MTMR12: variants seen among roughly 807,000 people sequenced by gnomAD.
MTMR12 encodes the protein myotubularin related protein 12.
A neutral mutation model predicts 96.7 loss-of-function variants in MTMR12; 33 were observed. The observed-to-expected ratio is 0.34, with a 90% confidence interval of 0.26 to 0.46. The LOEUF (loss-of-function observed/expected upper bound fraction) is 0.46, where lower values mean the gene tolerates loss of function less well. Among genes scored for constraint, MTMR12 ranks in the 20% least tolerant of loss-of-function variants. The probability of loss-of-function intolerance (pLI) is 1.00; values close to 1 mark genes in which losing one functional copy is unlikely to be tolerated. For missense variants in MTMR12, 721 were observed against 896.1 expected (o/e 0.80, Z 2.49); for synonymous variants, 298 against 327.2 (o/e 0.91, Z 0.96).
chr5:32,294,733 A>G lies in MTMR12; in HGVS notation c.82-17991T>C, dbSNP rs577541371. On this transcript the variant is annotated intron_variant, in intron 1 of 15. Transcript: ENST00000382142. ...CTCAACTTCTAGCATATAATTCCTG[A>G]CAAGACAGTAAATTGTCAGTAAGTC... Among the ~76,000 whole-genome samples the G allele has an allele frequency of 5.3e-5, 8 of 152,322 alleles. No individual in the cohort carries two copies. The East Asian group carries it at 1.4e-3, about 26-fold the overall frequency.
In MTMR12 at chr5:32,312,489, C is replaced by G. The variant is rs887196129; in HGVS notation, c.81+269G>C. Among the ~76,000 whole-genome samples the G allele has an allele frequency of 1.3e-5, 2 of 152,214 alleles. No homozygotes were observed. Among genetic ancestry groups the G allele is most frequent in the Non-Finnish European group, 2.9e-5 (2 of 68,026 alleles). Reference sequence around the variant, plus strand: ...CAGAATCCCCAGGGGCGTTCCGGGCCGCAATCCCTTCTCGGCTCGGGCCCC... The same window carrying G: ...CAGAATCCCCAGGGGCGTTCCGGGCGGCAATCCCTTCTCGGCTCGGGCCCC... On this transcript the variant is annotated intron_variant, in intron 1 of 15. Coordinates refer to ENST00000382142, the MANE Select transcript of MTMR12 (RefSeq NM_001040446.3). The surrounding 1 kb of genome is among the most constrained non-coding windows in gnomAD (Gnocchi z 5.0).
intron 10 of MTMR12, 78 bp from the exon 11 acceptor site, chr5:32,243,677 A>G: frequency 1.1e-6 from 1 of 872,524 alleles, no homozygotes; most frequent in South Asian, 1.5e-5. Context: ...GTGCTCCTCA[A>G]CTGTGTCATT....
intron 2 of MTMR12, 62 bp from the exon 3 acceptor site, chr5:32,274,184 T>A: frequency 6.4e-7 from 1 of 1,564,336 alleles, no homozygotes. Flanking sequence ...ATGCAAACAC[T>A]AAAGGCTTTC....
intron 1 of MTMR12, among the ~76,000 whole-genome samples, chr5:32,302,532 C>T (rs1488259801): frequency 6.6e-6 from 1 of 152,104 alleles, no homozygotes; most frequent in East Asian, 1.9e-4. Context: ...GCCTGACCAA[C>T]ATGGTGAAAC....
intron 1 of MTMR12, among the ~76,000 whole-genome samples, chr5:32,295,059 C>A (rs766498699): frequency 6.6e-5 from 10 of 152,190 alleles, no homozygotes; most frequent in Non-Finnish European, 1.5e-4. Context: ...ATCTACTATC[C>A]AGCTGTAGGA....
At chr5:32,247,251 G>C (rs571628084) in intron 10 of MTMR12, among the ~76,000 whole-genome samples, 5 of 152,288 alleles carry the variant, frequency 3.3e-5, no homozygotes, top group African/African-American at 9.6e-5. Context: ...TTGGGAGGCA[G>C]AGGTGGGAGG....
In MTMR12 at chr5:32,233,112, G is replaced by A. The variant is rs1748063665; in HGVS notation, c.1674+661C>T. The A allele has an allele frequency of 2.6e-6, 2 of 759,986 alleles. No individual in the cohort carries two copies. The highest frequency in any genetic ancestry group is 3.2e-6 in the Non-Finnish European group (2 of 624,408). The allele number at this position is 759,986 out of a possible 1,614,324, so 47.1% of individuals were successfully genotyped here. A position where few individuals can be genotyped will look rare whatever the true frequency, so the allele number is the denominator to read the frequency against. Reference sequence around the variant, plus strand: ...CTGACATTTGTGGCTCATAGCATAGGTCAGCAAACTGGCCACCCCTCCGGC... The same window carrying A: ...CTGACATTTGTGGCTCATAGCATAGATCAGCAAACTGGCCACCCCTCCGGC... On this transcript the variant is annotated intron_variant, in intron 15 of 15. Transcript: ENST00000382142. This position sits in a 1 kb window ranked among gnomAD's most constrained non-coding sequence, Gnocchi z 5.0.
At chr5:32,250,500 C>A (rs1748873123) in intron 8 of MTMR12, among the ~76,000 whole-genome samples, 1 of 152,188 alleles carries the variant, frequency 6.6e-6, no homozygotes, top group Non-Finnish European at 1.5e-5. Flanking sequence ...CAATGCCATG[C>A]TAAGCGATGT....
At chr5:32,238,894 G>A (rs1054799529) in intron 13 of MTMR12, 107 bp downstream of exon 13, 2 of 1,251,722 alleles carry the variant, frequency 1.6e-6, no homozygotes, top group African/African-American at 3.0e-5. Flanking sequence ...AACCTGTTTG[G>A]CTTACACTTT....
At chr5:32,291,913 A>C (rs1025548804) in intron 1 of MTMR12, among the ~76,000 whole-genome samples, 3 of 151,782 alleles carry the variant, frequency 2.0e-5, no homozygotes, top group Non-Finnish European at 4.4e-5. Flanking sequence ...TGCAATACAC[A>C]CTCTGGATAT....
chr5:32,232,523 G>A (rs1401067506), intron 15 of MTMR12, among the ~76,000 whole-genome samples: 1 of 152,182 alleles, frequency 6.6e-6, no homozygotes, highest in East Asian at 1.9e-4. Context: ...GGTTCCTCCC[G>A]TAACACAACA....
chr5:32,281,958 A>C (rs545124407), intron 1 of MTMR12, among the ~76,000 whole-genome samples: 1 of 152,226 alleles, frequency 6.6e-6, no homozygotes, highest in African/African-American at 2.4e-5. Context: ...ATGCACACAC[A>C]AAAAAGCTTT....
intron 5 of MTMR12, among the ~76,000 whole-genome samples, chr5:32,270,495 G>A (rs1259385055): frequency 1.3e-5 from 2 of 152,176 alleles, no homozygotes; most frequent in East Asian, 1.9e-4. Context: ...GGAGAATAGG[G>A]ATAAACTTTT....
In MTMR12 at chr5:32,300,244, G is replaced by C. The variant is rs115005018; in HGVS notation, c.81+12514C>G. Among the ~76,000 whole-genome samples, 259 of 152,244 alleles carry C rather than the reference G, an allele frequency of 1.7e-3. 1 individual carries two copies. Among genetic ancestry groups the C allele is most frequent in the African/African-American group, 6.0e-3 (248 of 41,536 alleles). On this transcript the variant is annotated intron_variant, in intron 1 of 15. Coordinates refer to ENST00000382142, the MANE Select transcript of MTMR12 (RefSeq NM_001040446.3). The stretch of plus-strand genomic sequence containing the variant: ...AGCACCTAGCAGTTGTTGAGTATCT[G>C]CCATGTGTCAAGTCCTTAGCTGGGT...
chr5:32,302,534 T>C (rs1233711229), intron 1 of MTMR12, among the ~76,000 whole-genome samples: 3 of 152,140 alleles, frequency 2.0e-5, no homozygotes, highest in East Asian at 1.9e-4. Flanking sequence ...CTGACCAACA[T>C]GGTGAAACCC....
chr5:32,254,012 C>A (rs1036302769), intron 8 of MTMR12, among the ~76,000 whole-genome samples: 1 of 152,246 alleles, frequency 6.6e-6, no homozygotes, highest in African/African-American at 2.4e-5. Flanking sequence ...CAAGGCCTGG[C>A]TAGAATGCAG....
intron 7 of MTMR12, among the ~76,000 whole-genome samples, chr5:32,258,903 A>C (rs1245494498): frequency 1.5e-4 from 7 of 45,952 alleles, no homozygotes; most frequent in Non-Finnish European, 2.5e-4. Context: ...GGTCTTTCAC[A>C]AAAAAAAAAA....
chr5:32,241,839 T>G (rs892031914), intron 12 of MTMR12, among the ~76,000 whole-genome samples: 1 of 152,244 alleles, frequency 6.6e-6, no homozygotes, highest in South Asian at 2.1e-4. Context: ...CTTTGTGGAC[T>G]GTGAATAGGT....
chr5:32,247,705 T>A, intron 10 of MTMR12: 1 of 973,374 alleles, frequency 1.0e-6, no homozygotes, highest in Non-Finnish European at 1.2e-6. Flanking sequence ...TTCAAAAACT[T>A]TTAAAGGAAG....
Sources: allele counts gnomAD v4.1 joint callset (sites outside exome capture counted in the v4.1 genomes callset), GRCh38; gene constraint gnomAD v4.1.1; non-coding constraint Gnocchi (gnomAD v3.1); transcripts MANE v1.5; gene names NCBI Gene and HGNC (gene_info 2026-07-23, HGNC 2026-07-21).